YJU2: variants seen among roughly 807,000 people sequenced by gnomAD.
YJU2 encodes the protein YJU2 splicing factor homolog, also known as splicing factor YJU2.
In YJU2, 28 loss-of-function variants were observed where a neutral mutation model predicts 39.6. That is an observed-to-expected ratio of 0.71 (90% CI 0.52 to 0.97). The LOEUF (loss-of-function observed/expected upper bound fraction) is 0.97. Ranked by LOEUF, YJU2 falls within the 50% of genes least tolerant of loss-of-function variation. The pLI is 0.00. For missense variants in YJU2, 328 were observed against 430.4 expected, an observed-to-expected ratio of 0.76 and a Z score of 2.11; for synonymous variants, 184 against 182.4, an observed-to-expected ratio of 1.01 and a Z score of -0.07.
chr19:4,267,710 G>T lies in YJU2; in HGVS notation c.795G>T (p.Val265=). 1 of 1,613,334 alleles carries T rather than the reference G, an allele frequency of 6.2e-7. No homozygotes were observed. Residue 265 remains valine, a synonymous_variant, in exon 7 of 8, where the codon GTG becomes GTT. Coordinates refer to ENST00000262962, the MANE Select transcript of YJU2 (RefSeq NM_018074.6). ...GGCCCCCGCTGTCGAGGCTGGTCGT[G>T]GTGAAGAAGGCAAAGGCCGACCCGG... ...GSRPPLSRLV[V]VKKAKADPDC...
intron 2 of YJU2, among the ~76,000 whole-genome samples, chr19:4,249,708 CTTT>C (rs111734725): frequency 7.0e-6 from 1 of 143,202 alleles, no homozygotes. Flanking sequence ...TTCTTTCTTT[CTTT>C]TTTTTTTTTT....
chr19:4,267,562 G>C (rs1020237449), intron 6 of YJU2, 62 bp from the exon 7 acceptor site: 1 of 1,561,726 alleles, frequency 6.4e-7, no homozygotes, highest in African/African-American at 1.4e-5. Flanking sequence ...GGGTTGTGGC[G>C]AGGGGCCAGA....
rs752335015 is a variant in YJU2, at chr19:4,268,746, C to T, written c.*50C>T. ...GTCAAAGTCACACGTCCAGCTTCAG[C>T]CACATTGAGGCCAGCATTGCTGGTG... On this transcript the variant is annotated 3_prime_UTR_variant, in exon 8 of 8. Transcript: ENST00000262962. The T allele has an allele frequency of 5.3e-6, 7 of 1,331,656 alleles. No individual in the cohort carries two copies. In the East Asian group the frequency reaches 1.7e-4, roughly 32 times the overall value. 82.5% of individuals were successfully genotyped at this position (1,331,656 alleles called of 1,614,324 possible).
At chr19:4,252,861 G>C (rs1047459724) in intron 3 of YJU2, among the ~76,000 whole-genome samples, 8 of 152,156 alleles carry the variant, frequency 5.3e-5, no homozygotes, top group African/African-American at 1.9e-4. Flanking sequence ...GGGAGGCCAA[G>C]GCTGCAGTGA....
At chr19:4,255,307 T>G (rs8109150) in intron 4 of YJU2, among the ~76,000 whole-genome samples, 61,521 of 151,796 alleles carry the variant, frequency 0.41, 14,384 homozygotes, top group African/African-American at 0.65. Flanking sequence ...AAAGGAGCCA[T>G]GCATGGTGGC....
chr19:4,267,522 G>A (rs1031036844), intron 6 of YJU2, 102 bp from the exon 7 acceptor site: 2 of 1,252,782 alleles, frequency 1.6e-6, no homozygotes, highest in Non-Finnish European at 2.3e-6. Flanking sequence ...CAGTGCAGCA[G>A]TGGAAGAGTG....
At chr19:4,254,962 AG>A in intron 4 of YJU2, among the ~76,000 whole-genome samples, 1 of 151,522 alleles carries the variant, frequency 6.6e-6, no homozygotes, top group East Asian at 2.0e-4. Flanking sequence ...AGGCTGAGGC[AG>A]GAGAATCGCT....
intron 6 of YJU2, among the ~76,000 whole-genome samples, chr19:4,263,973 T>C (rs1023011031): frequency 3.3e-5 from 5 of 150,954 alleles, no homozygotes; most frequent in Non-Finnish European, 7.4e-5. Flanking sequence ...ACAGAAACGA[T>C]TGTTCTCGGC....
Position 4,268,626 on chromosome 19 carries a change from C to T in YJU2, c.902C>T (p.Thr301Met), listed in dbSNP as rs766357965. The change falls in exon 8 of 8, where the codon ACG becomes ATG. Residue 301 changes from threonine (T) to methionine (M), a missense_variant. Thr to Met is a moderately conservative substitution (Grantham distance 81). This residue lies in a region of YJU2 where 244 missense variants were observed against 264.6 expected (regional missense o/e 0.92). Transcript: ENST00000262962. ...AAGGAGGCCAACCCTACACCCCTGACGCCTGGCGCGTCCTCCCTGAGCCAA... is the reference window on the plus strand; with the variant it reads ...AAGGAGGCCAACCCTACACCCCTGATGCCTGGCGCGTCCTCCCTGAGCCAA... ...NRKEANPTPL[T>M]PGASSLSQLG... 1.5e-5 allele frequency: 25 copies of T among 1,613,744 alleles called. No homozygotes were observed. Among genetic ancestry groups the T allele is most frequent in the East Asian group, 6.7e-5 (3 of 44,884 alleles).
chr19:4,258,640 C>T (rs1472437460), intron 5 of YJU2, among the ~76,000 whole-genome samples: 2 of 152,342 alleles, frequency 1.3e-5, no homozygotes, highest in South Asian at 2.1e-4. Flanking sequence ...CGCATGGCTG[C>T]GGTTTGTCAC....
At chr19:4,263,806 T>A in intron 6 of YJU2, among the ~76,000 whole-genome samples, 1 of 102,418 alleles carries the variant, frequency 9.8e-6, no homozygotes, top group African/African-American at 4.7e-5. Context: ...TGAGACTCTA[T>A]CTCAAAAAAA....
At chr19:4,259,989 A>T (rs1971057737) in intron 5 of YJU2, among the ~76,000 whole-genome samples, 1 of 152,098 alleles carries the variant, frequency 6.6e-6, no homozygotes. Context: ...GATCTTCATC[A>T]TGGAGGGGAC....
At chr19:4,253,782 TAA>T in intron 3 of YJU2, among the ~76,000 whole-genome samples, 1 of 151,892 alleles carries the variant, frequency 6.6e-6, no homozygotes, top group African/African-American at 2.4e-5. Context: ...AAGGTGTTAA[TAA>T]ATACAAAGGG....
At chr19:4,253,545 C>T (rs1318369760) in intron 3 of YJU2, among the ~76,000 whole-genome samples, 1 of 151,360 alleles carries the variant, frequency 6.6e-6, no homozygotes. Flanking sequence ...CCTGCCGCTG[C>T]ACTCCGGCCT....
chr19:4,255,456 G>A (rs988177612), intron 4 of YJU2, among the ~76,000 whole-genome samples: 2 of 151,958 alleles, frequency 1.3e-5, no homozygotes, highest in Non-Finnish European at 2.9e-5. Context: ...CTTGCCAGGC[G>A]TGGTGGCTCA....
rs1599504603 is a variant in YJU2 at position 4,267,912 on chromosome 19, T to G, written c.859+138T>G. On this transcript the variant is annotated intron_variant, in intron 7 of 7. Transcript: ENST00000262962. ...ACCCCCACAGGACCAATTAGTGGAGTGAGCAGAGAAGGCAGGCGGCTTCTT... is the reference window on the plus strand; with the variant it reads ...ACCCCCACAGGACCAATTAGTGGAGGGAGCAGAGAAGGCAGGCGGCTTCTT... 7 of 658,284 alleles carry G rather than the reference T, an allele frequency of 1.1e-5. No homozygotes were observed. In the East Asian group the frequency reaches 2.0e-4, roughly 19 times the overall value. 40.8% of individuals were successfully genotyped at this position (658,284 alleles called of 1,614,324 possible). A position where few individuals can be genotyped will look rare whatever the true frequency, so the allele number is the denominator to read the frequency against.
chr19:4,259,105 C>T (rs1328987569), intron 5 of YJU2, among the ~76,000 whole-genome samples: 2 of 99,054 alleles, frequency 2.0e-5, no homozygotes, highest in Admixed American at 1.5e-4. Flanking sequence ...TTTTTTGAGA[C>T]GGAGTCTCCC....
At chr19:4,263,541 C>T (rs934467326) in intron 6 of YJU2, among the ~76,000 whole-genome samples, 4 of 152,096 alleles carry the variant, frequency 2.6e-5, no homozygotes, top group Non-Finnish European at 5.9e-5. Flanking sequence ...GGCACCGTGG[C>T]TCAAAGTGCT....
chr19:4,258,055 C>T (rs1024966018), intron 4 of YJU2, among the ~76,000 whole-genome samples, 187 bp from the exon 5 acceptor site: 1 of 152,220 alleles, frequency 6.6e-6, no homozygotes, highest in Non-Finnish European at 1.5e-5. Context: ...CTTTCCCTCC[C>T]CAGACCTGAG....
Sources: allele counts gnomAD v4.1 joint callset (sites outside exome capture counted in the v4.1 genomes callset), GRCh38; gene constraint gnomAD v4.1.1; regional missense constraint gnomAD v4.1.1; transcripts MANE v1.5; gene names NCBI Gene and HGNC (gene_info 2026-07-23, HGNC 2026-07-21).